Variants in SEMA3E observed in about 807,000 individuals in gnomAD.
SEMA3E encodes semaphorin-3E.
In SEMA3E, 49 loss-of-function variants were observed where a neutral mutation model predicts 93.6. The ratio of observed to expected loss-of-function variants is 0.52; its 90% CI spans 0.42 to 0.66. The LOEUF (loss-of-function observed/expected upper bound fraction) is 0.66, where lower values mean the gene tolerates loss of function less well. Ranked by LOEUF, SEMA3E falls within the 30% of genes least tolerant of loss-of-function variation. The pLI, the probability that SEMA3E is intolerant of heterozygous loss-of-function variation, is 0.00. For missense variants in SEMA3E, 906 were observed against 964.8 expected, an observed-to-expected ratio of 0.94 and a Z score of 0.81; for synonymous variants, 363 against 330.7, an observed-to-expected ratio of 1.10 and a Z score of -1.06.
chr7:83,579,763 G>T (rs895221239), intron 1 of SEMA3E, among the ~76,000 whole-genome samples: 1 of 151,948 alleles, frequency 6.6e-6, no homozygotes, highest in South Asian at 2.1e-4. Context: ...TAAAATCTCA[G>T]AAATCTCAGA....
intron 1 of SEMA3E, among the ~76,000 whole-genome samples, chr7:83,599,956 A>T (rs1245394598): frequency 6.6e-6 from 1 of 152,240 alleles, no homozygotes; most frequent in African/African-American, 2.4e-5. Context: ...ACAAAAATAC[A>T]TTTAAAAGTA....
At chr7:83,581,089 C>T (rs948493773) in intron 1 of SEMA3E, among the ~76,000 whole-genome samples, 13 of 151,874 alleles carry the variant, frequency 8.6e-5, no homozygotes, top group Admixed American at 1.3e-4. Context: ...TCAAAAGTAA[C>T]ATCAGAACAC....
intron 5 of SEMA3E, among the ~76,000 whole-genome samples, chr7:83,410,971 G>A (rs543031567): frequency 1.8e-4 from 28 of 151,914 alleles, no homozygotes; most frequent in Non-Finnish European, 3.5e-4. Flanking sequence ...TTAAAATCAT[G>A]AGTTTTCTAT....
In SEMA3E at chr7:83,387,839, G is replaced by GTTATATATATGTTTATATATATATAACA. The variant is rs565622470; in HGVS notation, c.1668-817_1668-790dup. Reference sequence around the variant, plus strand: ...ATATATATGTTTATATATATATAACGTTATATATATGTTTATATATATATA... The same window carrying GTTATATATATGTTTATATATATATAACA: ...ATATATATGTTTATATATATATAACGTTATATATATGTTTATATATATATAACATTATATATATGTTTATATATATATA... On this transcript the variant is annotated intron_variant, in intron 14 of 16. Transcript: ENST00000643230. 4.0e-3 allele frequency among the ~76,000 whole-genome samples: 565 copies of GTTATATATATGTTTATATATATATAACA among 139,878 alleles called. 8 individuals carry two copies. The highest frequency in any genetic ancestry group is 0.012 in the African/African-American group (450 of 37,498). 91.8% of individuals were successfully genotyped at this position (139,878 alleles called of 152,430 possible). A position where few individuals can be genotyped will look rare whatever the true frequency, so the allele number is the denominator to read the frequency against.
At chr7:83,472,765 C>T in intron 2 of SEMA3E, among the ~76,000 whole-genome samples, 1 of 152,110 alleles carries the variant, frequency 6.6e-6, no homozygotes, top group East Asian at 1.9e-4. Context: ...AATTGTAATT[C>T]CCATAATCCC....
intron 1 of SEMA3E, among the ~76,000 whole-genome samples, chr7:83,491,720 A>G (rs1431571426): frequency 6.6e-6 from 1 of 152,086 alleles, no homozygotes; most frequent in Non-Finnish European, 1.5e-5. Flanking sequence ...TGACATAGGC[A>G]TGAATGAAGA....
intron 1 of SEMA3E, among the ~76,000 whole-genome samples, chr7:83,564,095 A>G (rs1488556466): frequency 6.6e-6 from 1 of 152,194 alleles, no homozygotes; most frequent in Non-Finnish European, 1.5e-5. Context: ...GGATTAAAAT[A>G]TTGTATCCAA....
chr7:83,540,050 A>G (rs56041367), intron 1 of SEMA3E, among the ~76,000 whole-genome samples: 33,483 of 151,758 alleles, frequency 0.22, 3,871 homozygotes, highest in East Asian at 0.39. Flanking sequence ...TGCCTGGGTA[A>G]TTTTTGTATT....
intron 2 of SEMA3E, among the ~76,000 whole-genome samples, chr7:83,475,694 A>G (rs920198937): frequency 2.0e-5 from 3 of 152,270 alleles, no homozygotes; most frequent in African/African-American, 7.2e-5. Flanking sequence ...CCAAGAGTCT[A>G]ATGTTTTCTG....
At chr7:83,645,823 T>C (rs1402670094) in intron 1 of SEMA3E, among the ~76,000 whole-genome samples, 1 of 151,808 alleles carries the variant, frequency 6.6e-6, no homozygotes, top group African/African-American at 2.4e-5. Flanking sequence ...TTCCCAGAAA[T>C]AGTAATGGAG....
chr7:83,548,229 C>T (rs1426781426), intron 1 of SEMA3E, among the ~76,000 whole-genome samples: 1 of 152,068 alleles, frequency 6.6e-6, no homozygotes, highest in Non-Finnish European at 1.5e-5. Flanking sequence ...CTGACACCCA[C>T]ATTGATGCTA....
intron 1 of SEMA3E, among the ~76,000 whole-genome samples, chr7:83,531,949 T>C (rs545924632): frequency 1.3e-5 from 2 of 152,286 alleles, no homozygotes; most frequent in South Asian, 4.1e-4. Flanking sequence ...CTATTCCATA[T>C]GGGAATCATC....
chr7:83,460,247 T>C (rs1789582431), intron 4 of SEMA3E, among the ~76,000 whole-genome samples: 1 of 152,084 alleles, frequency 6.6e-6, no homozygotes, highest in Non-Finnish European at 1.5e-5. Flanking sequence ...CCAAGGAACA[T>C]CTCACCAATT....
intron 9 of SEMA3E, 142 bp downstream of exon 9, chr7:83,405,308 G>C (rs958058794): frequency 3.0e-6 from 2 of 658,716 alleles, no homozygotes; most frequent in East Asian, 5.5e-5. Flanking sequence ...GGAAAATAAA[G>C]ATCAATTGGT....
chr7:83,612,825 A>C (rs181789466), intron 1 of SEMA3E, among the ~76,000 whole-genome samples: 1 of 152,280 alleles, frequency 6.6e-6, no homozygotes, highest in Admixed American at 6.5e-5. Flanking sequence ...AGATCTCTTC[A>C]TCTTTAACAC....
chr7:83,526,350 T>G (rs760951330), intron 1 of SEMA3E, among the ~76,000 whole-genome samples: 1 of 152,140 alleles, frequency 6.6e-6, no homozygotes, highest in Non-Finnish European at 1.5e-5. Context: ...AGTACTTCAG[T>G]GCAAAGATAC....
intron 5 of SEMA3E, among the ~76,000 whole-genome samples, chr7:83,412,873 T>C (rs1193768176): frequency 2.6e-5 from 4 of 152,046 alleles, no homozygotes; most frequent in Non-Finnish European, 5.9e-5. Context: ...GATAACAAAT[T>C]TGAATTTTTG....
At chr7:83,377,960 T>C (rs1167865813) in intron 16 of SEMA3E, among the ~76,000 whole-genome samples, 18 of 151,934 alleles carry the variant, frequency 1.2e-4, no homozygotes, top group Non-Finnish European at 1.5e-5. Context: ...ATTTTTGTAG[T>C]TATTATGGAG....
intron 5 of SEMA3E, among the ~76,000 whole-genome samples, chr7:83,410,849 A>G (rs575361714): frequency 6.6e-6 from 1 of 152,230 alleles, no homozygotes; most frequent in African/African-American, 2.4e-5. Context: ...AGTTATGTTT[A>G]CCACACCAAA....
Sources: allele counts gnomAD v4.1 joint callset (sites outside exome capture counted in the v4.1 genomes callset), GRCh38; gene constraint gnomAD v4.1.1; transcripts MANE v1.5; gene names NCBI Gene and HGNC (gene_info 2026-07-23, HGNC 2026-07-21).